Variants in SLC22A24 observed in about 807,000 individuals in gnomAD.
SLC22A24 encodes the protein solute carrier family 22 member 24, also known as steroid transmembrane transporter SLC22A24.
In SLC22A24, 53 loss-of-function variants were observed where a neutral mutation model predicts 49.8. The observed-to-expected ratio is 1.06, with a 90% CI of 0.85 to 1.34. SLC22A24 has a LOEUF of 1.34. Ranked by LOEUF, SLC22A24 falls within the 40% of genes most tolerant of loss-of-function variation. SLC22A24 has a pLI of 0.00. For synonymous variants in SLC22A24, 302 were observed against 256.4 expected (o/e 1.18, Z -1.70); for missense variants, 786 against 675.9 (o/e 1.16, Z -1.81).
At chr11:63,105,394 T>TC (rs60169108) in intron 4 of SLC22A24, among the ~76,000 whole-genome samples, 120,404 of 151,968 alleles carry the variant, frequency 0.79, 48,897 homozygotes, top group East Asian at 0.9. Context: ...TAGCAGAGGT[T>TC]TTCATGAGGG....
chr11:63,084,838 G>T (rs950003057), intron 6 of SLC22A24, among the ~76,000 whole-genome samples: 1 of 152,128 alleles, frequency 6.6e-6, no homozygotes, highest in Non-Finnish European at 1.5e-5. Context: ...GCAGAAACAG[G>T]TTCTCTAACT....
At chr11:63,087,084 A>AGAGAG (rs765557099) in intron 6 of SLC22A24, among the ~76,000 whole-genome samples, 1 of 150,074 alleles carries the variant, frequency 6.7e-6, no homozygotes, top group Non-Finnish European at 1.5e-5. Context: ...AGAGAGAGAG[A>AGAGAG]AACCCAAGTA....
At position 63,114,623 on chromosome 11, in the gene SLC22A24, G is replaced by A. The variant is rs1010293223; in HGVS notation, c.830+4289C>T. Among the ~76,000 whole-genome samples the A allele has an allele frequency of 2.0e-5, 3 of 152,162 alleles. 1 individual carries two copies. The highest frequency in any genetic ancestry group is 4.4e-5 in the Non-Finnish European group (3 of 68,014). On this transcript the variant is annotated intron_variant, in intron 4 of 9. Transcript: ENST00000612278. ...GCTTGTGAGGAGCTGCAATCCTTTG[G>A]AGGAGAAGAGGCACTCTGGTTTTTA...
intron 5 of SLC22A24, among the ~76,000 whole-genome samples, chr11:63,103,344 C>T (rs916563883): frequency 2.6e-5 from 4 of 152,092 alleles, no homozygotes; most frequent in African/African-American, 7.2e-5. Flanking sequence ...TGGATACTTC[C>T]TCTGTGTTTT....
chr11:63,113,041 T>TATATAC (rs2087179979), intron 4 of SLC22A24, among the ~76,000 whole-genome samples: 1 of 7,358 alleles, frequency 1.4e-4, no homozygotes, highest in African/African-American at 2.0e-4. Flanking sequence ...AAAAAATATA[T>TATATAC]ATATATATAT....
In SLC22A24 at chr11:63,130,094, A is replaced by T. The variant is rs148730210; in HGVS notation, c.506+4571T>A. ...TGCTTCCAGTTTTTGCCCATTCAGTATGATATTGGCTTTGGGTTTGTCATA... is the reference window on the plus strand; with the variant it reads ...TGCTTCCAGTTTTTGCCCATTCAGTTTGATATTGGCTTTGGGTTTGTCATA... On this transcript the variant is annotated intron_variant, in intron 2 of 9. Transcript: ENST00000612278. Among the ~76,000 whole-genome samples, 632 of 152,258 alleles carry T rather than the reference A, an allele frequency of 4.2e-3. 4 individuals carry two copies. The highest frequency in any genetic ancestry group is 0.014 in the African/African-American group (580 of 41,540).
At chr11:63,102,987 T>C (rs2087100271) in intron 5 of SLC22A24, among the ~76,000 whole-genome samples, 1 of 152,140 alleles carries the variant, frequency 6.6e-6, no homozygotes, top group Non-Finnish European at 1.5e-5. Context: ...AACACAAAGG[T>C]CCTATAGTTA....
At chr11:63,120,380 C>T (rs2087243100) in intron 2 of SLC22A24, among the ~76,000 whole-genome samples, 1 of 150,916 alleles carries the variant, frequency 6.6e-6, no homozygotes, top group Non-Finnish European at 1.5e-5. Context: ...GTGCAGCGCA[C>T]CAGCATGGCA....
intron 1 of SLC22A24, among the ~76,000 whole-genome samples, chr11:63,136,428 C>T (rs767492025): frequency 6.6e-6 from 1 of 152,214 alleles, no homozygotes; most frequent in South Asian, 2.1e-4. Context: ...TTCTCCATGA[C>T]AACATCCAAC....
At chr11:63,127,866 C>G (rs763962834) in intron 2 of SLC22A24, among the ~76,000 whole-genome samples, 12 of 151,542 alleles carry the variant, frequency 7.9e-5, no homozygotes, top group Non-Finnish European at 1.3e-4. Context: ...TGGATATTAG[C>G]TGTTTGTCAG....
At chr11:63,118,828 G>C (rs760727756) in intron 4 of SLC22A24, 84 bp downstream of exon 4, 1 of 1,425,582 alleles carries the variant, frequency 7.0e-7, no homozygotes, top group Admixed American at 2.0e-5. Context: ...GCCAGAGACC[G>C]AACAGATCCC....
At position 63,096,098 on chromosome 11, in the gene SLC22A24, T is replaced by G. The variant is rs374808719; in HGVS notation, c.963A>C (p.Arg321Ser). The change falls in exon 6 of 10, where the codon AGA (arginine) becomes AGC (serine). Residue 321 changes from arginine (R) to serine (S), a missense_variant. Arg to Ser is a moderately radical substitution (Grantham distance 110). Coordinates refer to ENST00000612278, the MANE Select transcript of SLC22A24 (RefSeq NM_001136506.2). ...TEETLTTELV[R>S]STMKKELDAV... ...CATCCAACTCCTTCTTCATGGTGGA[T>G]CTCACAAGCTTCAGCAACAAAAATA... The G allele has an allele frequency of 4.5e-6, 7 of 1,548,416 alleles. No homozygotes were observed. The highest frequency in any genetic ancestry group is 5.2e-6 in the Non-Finnish European group (6 of 1,144,270).
chr11:63,136,428 C>G (rs767492025), intron 1 of SLC22A24, among the ~76,000 whole-genome samples: 3 of 152,214 alleles, frequency 2.0e-5, no homozygotes, highest in Non-Finnish European at 4.4e-5. Flanking sequence ...TTCTCCATGA[C>G]AACATCCAAC....
intron 4 of SLC22A24, among the ~76,000 whole-genome samples, chr11:63,113,331 G>A (rs867847942): frequency 9.9e-4 from 149 of 151,104 alleles, no homozygotes; most frequent in African/African-American, 3.1e-3. Context: ...GTTAATTGAT[G>A]CAGTTTCTTC....
At chr11:63,137,740 G>A (rs566369399) in intron 1 of SLC22A24, 2 of 152,312 alleles carry the variant, frequency 1.3e-5, no homozygotes, top group Admixed American at 1.3e-4. Context: ...CCATAAAACA[G>A]GAAAGTGTGA....
chr11:63,108,345 A>G (rs1481584168), intron 4 of SLC22A24, among the ~76,000 whole-genome samples: 1 of 152,138 alleles, frequency 6.6e-6, no homozygotes, highest in African/African-American at 2.4e-5. Flanking sequence ...CCAGTATTTT[A>G]TTGAGGATTT....
chr11:63,125,509 A>G (rs138875383), intron 2 of SLC22A24, among the ~76,000 whole-genome samples: 3,277 of 152,272 alleles, frequency 0.022, 120 homozygotes, highest in African/African-American at 0.075. Context: ...ATGGCTGCAT[A>G]GTATTCCATG....
chr11:63,117,578 C>T (rs1052977883), intron 4 of SLC22A24, among the ~76,000 whole-genome samples: 2 of 152,150 alleles, frequency 1.3e-5, no homozygotes, highest in Admixed American at 1.3e-4. Flanking sequence ...AACTCCTCCT[C>T]TTCTTTCCTC....
intron 6 of SLC22A24, among the ~76,000 whole-genome samples, chr11:63,089,651 C>G (rs2087006534): frequency 6.6e-6 from 1 of 151,990 alleles, no homozygotes. Context: ...CAAGACTCAT[C>G]TAATGTGCAA....
Sources: gnomAD v4.1 joint callset for allele counts (sites outside exome capture counted in the v4.1 genomes callset) on GRCh38, gnomAD v4.1.1 for gene constraint, MANE v1.5 for transcripts, NCBI Gene and HGNC (gene_info 2026-07-23, HGNC 2026-07-21) for gene names.